TBC1D22A: variants seen among roughly 807,000 people sequenced by gnomAD.
TBC1D22A encodes the protein TBC1 domain family member 22A.
TBC1D22A carries 38 observed loss-of-function variants against 60.2 expected under a neutral mutation model. That is an observed-to-expected ratio of 0.63 (90% CI 0.49 to 0.83). The LOEUF (loss-of-function observed/expected upper bound fraction) is 0.83. TBC1D22A is among the 40% of genes least tolerant of loss of function. The pLI is 0.00. For synonymous variants in TBC1D22A, 302 were observed against 281.7 expected (o/e 1.07, Z -0.72); for missense variants, 628 against 701.0 (o/e 0.90, Z 1.18).
chr22:47,105,331 A>G (rs534176503), intron 11 of TBC1D22A, among the ~76,000 whole-genome samples: 2 of 152,344 alleles, frequency 1.3e-5, no homozygotes, highest in Non-Finnish European at 2.9e-5. Flanking sequence ...GAATACACCA[A>G]ATAATGCTGG....
At chr22:47,099,031 A>G (rs1314380570) in intron 11 of TBC1D22A, among the ~76,000 whole-genome samples, 1 of 152,234 alleles carries the variant, frequency 6.6e-6, no homozygotes, top group Non-Finnish European at 1.5e-5. Context: ...GGGCTAATCC[A>G]GGGAAAACCC....
intron 9 of TBC1D22A, among the ~76,000 whole-genome samples, chr22:46,985,208 C>T (rs1020690743): frequency 2.0e-4 from 30 of 152,158 alleles, no homozygotes; most frequent in African/African-American, 7.2e-4. Context: ...TTGTTGTATA[C>T]GTCAAGAAGC....
At chr22:47,157,357 C>T (rs2067764100) in intron 12 of TBC1D22A, among the ~76,000 whole-genome samples, 2 of 152,200 alleles carry the variant, frequency 1.3e-5, no homozygotes, top group Admixed American at 1.3e-4. Context: ...GATTCAAGTT[C>T]GTGACTGCAG....
At chr22:46,895,142 C>G (rs2068607683) in intron 7 of TBC1D22A, among the ~76,000 whole-genome samples, 1 of 152,116 alleles carries the variant, frequency 6.6e-6, no homozygotes, top group Non-Finnish European at 1.5e-5. Context: ...CCAGTGCTGC[C>G]CAGCTACAAA....
chr22:46,839,411 A>C (rs1214980896), intron 4 of TBC1D22A, among the ~76,000 whole-genome samples: 2 of 151,638 alleles, frequency 1.3e-5, no homozygotes, highest in Non-Finnish European at 2.9e-5. Flanking sequence ...GGATTCTTAC[A>C]CTGAATACTT....
chr22:46,850,730 A>G (rs996608009), intron 4 of TBC1D22A, among the ~76,000 whole-genome samples: 2 of 152,242 alleles, frequency 1.3e-5, no homozygotes, highest in African/African-American at 2.4e-5. Context: ...CCATGTCCAC[A>G]TACAGACTTG....
chr22:47,160,680 T>C (rs886511993), intron 12 of TBC1D22A, among the ~76,000 whole-genome samples: 1 of 152,242 alleles, frequency 6.6e-6, no homozygotes, highest in African/African-American at 2.4e-5. Flanking sequence ...ATTTGAATCT[T>C]TGAATCATTT....
At chr22:47,043,337 G>T (rs901099813) in intron 11 of TBC1D22A, among the ~76,000 whole-genome samples, 8 of 152,148 alleles carry the variant, frequency 5.3e-5, no homozygotes, top group African/African-American at 1.9e-4. Flanking sequence ...AGCAGCAGGT[G>T]GGCCGGGGCG....
At chr22:46,768,484 CAAAAAAA>C (rs3083471) in intron 1 of TBC1D22A, among the ~76,000 whole-genome samples, 3 of 80,366 alleles carry the variant, frequency 3.7e-5, no homozygotes, top group South Asian at 4.2e-4. Context: ...GACTCTGTCT[CAAAAAAA>C]AAAAAAAAAA....
intron 11 of TBC1D22A, among the ~76,000 whole-genome samples, chr22:47,065,647 G>A (rs1206388731): frequency 6.6e-6 from 1 of 152,284 alleles, no homozygotes; most frequent in Non-Finnish European, 1.5e-5. Context: ...TTGGGACTGG[G>A]TTGGATTGAG....
At chr22:46,929,190 A>T (rs1253493821) in intron 8 of TBC1D22A, among the ~76,000 whole-genome samples, 1 of 152,192 alleles carries the variant, frequency 6.6e-6, no homozygotes, top group Non-Finnish European at 1.5e-5. Context: ...ATCGACAAAC[A>T]TTGTGTGGTT....
At chr22:47,154,990 G>A (rs1178976238) in intron 12 of TBC1D22A, among the ~76,000 whole-genome samples, 1 of 152,190 alleles carries the variant, frequency 6.6e-6, no homozygotes, top group Non-Finnish European at 1.5e-5. Flanking sequence ...CAGGGATGAC[G>A]TGGCCACAGC....
At chr22:46,774,198 C>T in intron 1 of TBC1D22A, 2 of 985,538 alleles carry the variant, frequency 2.0e-6, no homozygotes, top group Non-Finnish European at 2.4e-6. Context: ...GAAAACCAGG[C>T]TTGCTGTGCT....
At chr22:46,852,355 G>A (rs763414854) in intron 4 of TBC1D22A, among the ~76,000 whole-genome samples, 7 of 152,166 alleles carry the variant, frequency 4.6e-5, no homozygotes, top group African/African-American at 4.8e-5. Context: ...CTGCTGCTGC[G>A]TGTGCCCCCC....
intron 11 of TBC1D22A, among the ~76,000 whole-genome samples, chr22:47,062,554 C>T (rs1296027723): frequency 6.6e-6 from 1 of 152,086 alleles, no homozygotes; most frequent in Non-Finnish European, 1.5e-5. Flanking sequence ...TTCTACAGTG[C>T]ATGGTGCTTC....
chr22:46,895,721 A>G (rs978635659), intron 7 of TBC1D22A, among the ~76,000 whole-genome samples: 2 of 152,082 alleles, frequency 1.3e-5, no homozygotes, highest in African/African-American at 4.8e-5. Flanking sequence ...CTAGTTACAT[A>G]ATAGTTTGTT....
rs77278681 is a variant in TBC1D22A at position 46,952,120 on chromosome 22, A to G, written c.1016-22170A>G. ...TGGCAAGCAAGTTCTTACTGAGGTC[A>G]GAAGTGACTGGCCTGCCCTGTGGGT... On this transcript the variant is annotated intron_variant, in intron 8 of 12. Coordinates refer to ENST00000337137, the MANE Select transcript of TBC1D22A (RefSeq NM_014346.5). 8.0e-3 allele frequency among the ~76,000 whole-genome samples: 1,210 copies of G among 151,416 alleles called. 17 individuals are homozygous for G. Among genetic ancestry groups the G allele is most frequent in the African/African-American group, 0.028 (1,152 of 41,420 alleles).
At chr22:46,787,975 C>T (rs1462789786) in intron 1 of TBC1D22A, among the ~76,000 whole-genome samples, 1 of 137,046 alleles carries the variant, frequency 7.3e-6, no homozygotes, top group East Asian at 2.2e-4. Context: ...CTTACTCTGT[C>T]ACCCAGGTTG....
intron 4 of TBC1D22A, among the ~76,000 whole-genome samples, chr22:46,844,124 G>T (rs1002756906): frequency 1.3e-5 from 2 of 150,600 alleles, no homozygotes; most frequent in Non-Finnish European, 3.0e-5. Flanking sequence ...GGTAAGGCAT[G>T]CTAGATGCTG....
Sources: allele counts gnomAD v4.1 joint callset (sites outside exome capture counted in the v4.1 genomes callset), GRCh38; gene constraint gnomAD v4.1.1; transcripts MANE v1.5; gene names NCBI Gene and HGNC (gene_info 2026-07-23, HGNC 2026-07-21).